ROCK2: variants seen among roughly 807,000 people sequenced by gnomAD.
The protein encoded by ROCK2 is Rho associated coiled-coil containing protein kinase 2, also known as rho-associated protein kinase 2.
A neutral mutation model predicts 195.1 loss-of-function variants in ROCK2; 61 were observed. That is an observed-to-expected ratio of 0.31 (90% confidence interval 0.25 to 0.39). The LOEUF is 0.39. Among genes scored for constraint, ROCK2 ranks in the 10% least tolerant of loss-of-function variants. The pLI is 1.00. For synonymous variants in ROCK2, 504 were observed against 545.5 expected, an observed-to-expected ratio of 0.92 and a Z score of 1.06; for missense variants, 1,109 against 1,637.4, an observed-to-expected ratio of 0.68 and a Z score of 5.57.
chr2:11,343,911 G>C, intron 1 of ROCK2, 85 bp downstream of exon 1: 1 of 1,465,478 alleles, frequency 6.8e-7, no homozygotes, highest in Non-Finnish European at 9.1e-7. Context: ...CCCTCCCCAC[G>C]GGCGGACGGG....
intron 3 of ROCK2, among the ~76,000 whole-genome samples, chr2:11,272,785 A>C (rs1666684189): frequency 6.7e-6 from 1 of 150,146 alleles, no homozygotes; most frequent in South Asian, 2.1e-4. Context: ...CAGGGAAATC[A>C]CTTGAACACG....
At chr2:11,278,688 C>T (rs1429968357) in intron 3 of ROCK2, among the ~76,000 whole-genome samples, 2 of 152,210 alleles carry the variant, frequency 1.3e-5, no homozygotes, top group Non-Finnish European at 2.9e-5. Flanking sequence ...TCTTGGCTCA[C>T]TGCAACCTCT....
intron 11 of ROCK2, chr2:11,217,974 A>G (rs1664490714): frequency 6.5e-6 from 1 of 153,456 alleles, no homozygotes; most frequent in African/African-American, 2.4e-5. Flanking sequence ...CCAAGATGGC[A>G]TAGCTAATAA....
intron 23 of ROCK2, 68 bp downstream of exon 23, chr2:11,200,889 T>G: frequency 7.6e-7 from 1 of 1,319,358 alleles, no homozygotes; most frequent in Non-Finnish European, 1.0e-6. Context: ...ATACTTAGTA[T>G]GTCTAAAGAA....
chr2:11,201,499 T>G lies in ROCK2; in HGVS notation c.2620-86A>C. 1.3e-6 allele frequency: 1 copy of G among 758,270 alleles called. No individual in the cohort carries two copies. Among genetic ancestry groups the G allele is most frequent in the South Asian group, 1.5e-5 (1 of 64,976 alleles). 47.0% of individuals were successfully genotyped at this position (758,270 alleles called of 1,614,324 possible). On this transcript the variant is annotated intron_variant, in intron 21 of 32. Coordinates refer to ENST00000315872, the MANE Select transcript of ROCK2 (RefSeq NM_004850.5). This position sits in a 1 kb window ranked among gnomAD's most constrained non-coding sequence, Gnocchi z 4.6. Reference sequence around the variant, plus strand: ...AAAGCTATTCAGACAAAAAGGAGAATGAACACATACAAATATTTTCTTACT... The same window carrying G: ...AAAGCTATTCAGACAAAAAGGAGAAGGAACACATACAAATATTTTCTTACT...
intron 32 of ROCK2, among the ~76,000 whole-genome samples, chr2:11,188,280 T>C (rs1663276934): frequency 6.6e-6 from 1 of 151,884 alleles, no homozygotes; most frequent in Non-Finnish European, 1.5e-5. Context: ...TGGCTAATTT[T>C]TGTATTTTTA....
intron 1 of ROCK2, among the ~76,000 whole-genome samples, chr2:11,328,814 A>C (rs1478050914): frequency 6.6e-6 from 1 of 151,894 alleles, no homozygotes; most frequent in African/African-American, 2.4e-5. Context: ...AACTATCGCA[A>C]GGACAAAAAA....
At chr2:11,309,086 G>C in intron 1 of ROCK2, 1 of 1,239,218 alleles carries the variant, frequency 8.1e-7, no homozygotes, top group Non-Finnish European at 1.1e-6. Flanking sequence ...ATGCAAAGCT[G>C]TACCACAAAA....
chr2:11,246,180 G>A (rs1032153848), intron 4 of ROCK2, among the ~76,000 whole-genome samples: 22 of 152,054 alleles, frequency 1.4e-4, no homozygotes, highest in Admixed American at 4.6e-4. Flanking sequence ...GTCCTATACC[G>A]TCCCCTTCCA....
rs950001220 is a variant in ROCK2 at position 11,181,808 on chromosome 2, A to G, written c.*1629T>C. The G allele has an allele frequency of 6.6e-6, 1 of 151,656 alleles. No homozygotes were observed. Among genetic ancestry groups the G allele is most frequent in the African/African-American group, 2.4e-5 (1 of 41,274 alleles). 9.4% of individuals were successfully genotyped at this position (151,656 alleles called of 1,614,324 possible). A position where few individuals can be genotyped will look rare whatever the true frequency, so the allele number is the denominator to read the frequency against. The stretch of plus-strand genomic sequence containing the variant: ...ACCATCATGCCCGGCTAATTTTTGT[A>G]TATTGGTAGAGACGGAGTTTCACTA... On this transcript the variant is annotated 3_prime_UTR_variant, in exon 33 of 33. Coordinates refer to ENST00000315872, the MANE Select transcript of ROCK2 (RefSeq NM_004850.5).
At chr2:11,308,282 T>C (rs376909928) in intron 1 of ROCK2, 6 of 1,136,936 alleles carry the variant, frequency 5.3e-6, no homozygotes, top group South Asian at 2.5e-5. Context: ...AGAATTTAAA[T>C]TGGAGAACCT....
At position 11,288,145 on chromosome 2, in the gene ROCK2, C is replaced by G. The variant is rs116240118; in HGVS notation, c.142-409G>C. Among the ~76,000 whole-genome samples the G allele has an allele frequency of 9.0e-3, 1,362 of 152,150 alleles. 16 individuals are homozygous for G. The highest frequency in any genetic ancestry group is 0.031 in the African/African-American group (1,287 of 41,498). ...TAGTGCAGATTAAGAAGAGAAAATC[C>G]AAAAATAAATAACACCATCCTTACC... is the stretch of plus-strand genomic sequence containing the variant. On this transcript the variant is annotated intron_variant, in intron 1 of 32. Transcript: ENST00000315872.
In ROCK2 at chr2:11,341,421, G is replaced by A. The variant is rs143248872; in HGVS notation, c.141+2575C>T. On this transcript the variant is annotated intron_variant, in intron 1 of 32. Coordinates refer to ENST00000315872, the MANE Select transcript of ROCK2 (RefSeq NM_004850.5). Reference sequence around the variant, plus strand: ...CTAATAACATGCTAAGTGTGCACAGGAGAAGTGAACTAAATTTAATGAGCA... The same window carrying A: ...CTAATAACATGCTAAGTGTGCACAGAAGAAGTGAACTAAATTTAATGAGCA... Among the ~76,000 whole-genome samples, 630 of 152,302 alleles carry A rather than the reference G, an allele frequency of 4.1e-3. 3 individuals are homozygous for A. The highest frequency in any genetic ancestry group is 0.014 in the African/African-American group (566 of 41,564).
intron 4 of ROCK2, among the ~76,000 whole-genome samples, chr2:11,248,628 G>C (rs1475030817): frequency 1.5e-5 from 2 of 136,922 alleles, no homozygotes; most frequent in Non-Finnish European, 3.1e-5. Flanking sequence ...AGAACCGCTT[G>C]AACCCGGGAA....
intron 1 of ROCK2, among the ~76,000 whole-genome samples, chr2:11,330,877 A>G (rs1407109647): frequency 2.0e-4 from 4 of 19,766 alleles, no homozygotes; most frequent in Non-Finnish European, 3.2e-4. Flanking sequence ...GGAGGGAGGA[A>G]GAGGAATGAG....
At position 11,201,394 on chromosome 2, in the gene ROCK2, A is replaced by G; in HGVS notation, c.2639T>C (p.Val880Ala). Residue 880 changes from valine (V) to alanine (A), a missense_variant, in exon 22 of 33, where the codon GTT (valine) becomes GCT (alanine). This residue lies in a region of ROCK2 where 542 missense variants were observed against 672.0 expected (regional missense o/e 0.81). Coordinates refer to ENST00000315872, the MANE Select transcript of ROCK2 (RefSeq NM_004850.5). The surrounding 1 kb of genome is among the most constrained non-coding windows in gnomAD (Gnocchi z 4.6). ...TTCACATTCTTCTTTAAGCTCCCTAACTTGTGTTTTATAAAGGGTCTAAAT... is the reference window on the plus strand; with the variant it reads ...TTCACATTCTTCTTTAAGCTCCCTAGCTTGTGTTTTATAAAGGGTCTAAAT... ...QYFSTLYKTQ[V>A]RELKEECEEK... 6.2e-7 allele frequency: 1 copy of G among 1,608,000 alleles called. No homozygotes were observed. Among genetic ancestry groups the G allele is most frequent in the Non-Finnish European group, 8.5e-7 (1 of 1,174,794 alleles).
chr2:11,290,608 A>G (rs901590654), intron 1 of ROCK2, among the ~76,000 whole-genome samples: 6 of 152,202 alleles, frequency 3.9e-5, no homozygotes, highest in African/African-American at 1.4e-4. Flanking sequence ...CACTGAGACT[A>G]AACAAAACAC....
chr2:11,299,682 G>A (rs552170253), intron 1 of ROCK2, among the ~76,000 whole-genome samples: 1 of 152,342 alleles, frequency 6.6e-6, no homozygotes, highest in Non-Finnish European at 1.5e-5. Context: ...ACAGCAAGAA[G>A]AAAATAGTTG....
intron 4 of ROCK2, among the ~76,000 whole-genome samples, chr2:11,237,012 C>CCT (rs1665233135): frequency 6.6e-6 from 1 of 152,022 alleles, no homozygotes. Context: ...ATTAGCCAGG[C>CCT]GTAGTGGCAG....
Sources: gnomAD v4.1 joint callset for allele counts (sites outside exome capture counted in the v4.1 genomes callset) on GRCh38, gnomAD v4.1.1 for gene constraint, gnomAD v4.1.1 regional missense constraint, Gnocchi (gnomAD v3.1) non-coding constraint, MANE v1.5 for transcripts, NCBI Gene and HGNC (gene_info 2026-07-23, HGNC 2026-07-21) for gene names.